Variants in HPSE2 observed in about 807,000 individuals in gnomAD.
HPSE2 encodes the protein heparanase 2 (inactive).
A neutral mutation model predicts 60.5 loss-of-function variants in HPSE2; 38 were observed. The observed-to-expected ratio is 0.63, with a 90% confidence interval of 0.48 to 0.82. The LOEUF is 0.82. Ranked by LOEUF, HPSE2 falls within the 40% of genes least tolerant of loss-of-function variation. HPSE2 has a pLI of 0.00. For synonymous variants in HPSE2, 295 were observed against 293.2 expected (o/e 1.01, Z -0.06); for missense variants, 713 against 740.4 (o/e 0.96, Z 0.43).
chr10:98,887,258 C>T (rs1368348528), intron 3 of HPSE2, among the ~76,000 whole-genome samples: 3 of 152,062 alleles, frequency 2.0e-5, no homozygotes, highest in African/African-American at 7.2e-5. Context: ...TCTCAATTTC[C>T]TCAGGTCATT....
chr10:98,758,017 T>A (rs1949917935), intron 3 of HPSE2, among the ~76,000 whole-genome samples: 1 of 151,586 alleles, frequency 6.6e-6, no homozygotes, highest in African/African-American at 2.4e-5. Flanking sequence ...ATGGTTACAA[T>A]ACTGAGAAAT....
chr10:98,511,507 CCACTATGTACACAGGTATGCTTCAAGTT>C lies in HPSE2; in HGVS notation c.1321-21339_1321-21312del, dbSNP rs1263001781. ...ATATTTTTTACCTCATGAAAATATT[CCACTATGTACACAGGTATGCTTCAAGTT>C]GTCCCGAAAACATAACTATGGTGTG... On this transcript the variant is annotated intron_variant, in intron 9 of 11. Transcript: ENST00000370552. Among the ~76,000 whole-genome samples the C allele has an allele frequency of 3.3e-5, 5 of 151,034 alleles. No homozygotes were observed. In the East Asian group the frequency reaches 9.7e-4, roughly 29 times the overall value.
intron 3 of HPSE2, among the ~76,000 whole-genome samples, chr10:98,913,073 C>T (rs777038768): frequency 6.6e-6 from 1 of 151,744 alleles, no homozygotes; most frequent in Non-Finnish European, 1.5e-5. Context: ...TATGTAGGCA[C>T]AAAAATAAAA....
At chr10:98,900,349 A>C (rs1953630865) in intron 3 of HPSE2, among the ~76,000 whole-genome samples, 1 of 152,214 alleles carries the variant, frequency 6.6e-6, no homozygotes, top group African/African-American at 2.4e-5. Context: ...ATTTATGTAC[A>C]GTTCAAGAAA....
chr10:99,222,901 G>A (rs1008513156), intron 2 of HPSE2, among the ~76,000 whole-genome samples: 1 of 152,136 alleles, frequency 6.6e-6, no homozygotes, highest in South Asian at 2.1e-4. Context: ...TATATTCATG[G>A]GAAGGCATAT....
intron 9 of HPSE2, among the ~76,000 whole-genome samples, chr10:98,553,299 T>A (rs1219250794): frequency 2.0e-5 from 3 of 152,382 alleles, no homozygotes; most frequent in South Asian, 2.1e-4. Flanking sequence ...ACACTGTTCA[T>A]ACACATATTA....
intron 9 of HPSE2, among the ~76,000 whole-genome samples, chr10:98,522,352 A>C (rs1313334066): frequency 6.6e-6 from 1 of 152,156 alleles, no homozygotes; most frequent in Non-Finnish European, 1.5e-5. Context: ...ACTATAAGAG[A>C]AACTAATAGG....
At chr10:99,026,950 A>C (rs914523397) in intron 3 of HPSE2, among the ~76,000 whole-genome samples, 2 of 152,112 alleles carry the variant, frequency 1.3e-5, no homozygotes, top group African/African-American at 4.8e-5. Context: ...AAAATACCAA[A>C]ACCTGTGGGA....
chr10:98,848,912 T>C (rs1193564186), intron 3 of HPSE2, among the ~76,000 whole-genome samples: 1 of 152,094 alleles, frequency 6.6e-6, no homozygotes, highest in East Asian at 1.9e-4. Flanking sequence ...TTTCATCTCA[T>C]AAGACATTGT....
intron 3 of HPSE2, among the ~76,000 whole-genome samples, chr10:98,800,949 T>C (rs1387663531): frequency 6.6e-6 from 1 of 152,176 alleles, no homozygotes; most frequent in Non-Finnish European, 1.5e-5. Context: ...CCAATATCTC[T>C]GATGATTATT....
In HPSE2 at chr10:98,513,660, T is replaced by TA. The variant is rs200145281; in HGVS notation, c.1321-23465dup. Among the ~76,000 whole-genome samples, 331 of 152,288 alleles carry TA rather than the reference T, an allele frequency of 2.2e-3. 7 individuals are homozygous for TA. The East Asian group carries it at 0.052, about 24-fold the overall frequency. On this transcript the variant is annotated intron_variant, in intron 9 of 11. Transcript: ENST00000370552. Reference sequence around the variant, plus strand: ...AAGGGCAGAACTGACAAGTTTGCTGTAAAAAAATGACAACAATATGCTTTT... The same window carrying TA: ...AAGGGCAGAACTGACAAGTTTGCTGTAAAAAAAATGACAACAATATGCTTTT...
intron 7 of HPSE2, among the ~76,000 whole-genome samples, chr10:98,634,735 AG>A (rs749793290): frequency 1.3e-5 from 2 of 152,242 alleles, no homozygotes; most frequent in Non-Finnish European, 2.9e-5. Context: ...ACTTCAAAAG[AG>A]TTGATCTTTA....
the HPSE2 span, among the ~76,000 whole-genome samples, chr10:99,310,350 T>C: frequency 1.3e-5 from 2 of 152,204 alleles, no homozygotes; most frequent in African/African-American, 4.8e-5. Context: ...GCCACTAAAA[T>C]ATATAAAAAC....
At chr10:98,708,017 A>G (rs1948589893) in intron 5 of HPSE2, among the ~76,000 whole-genome samples, 2 of 152,190 alleles carry the variant, frequency 1.3e-5, no homozygotes, top group Non-Finnish European at 2.9e-5. Context: ...CATAAAAAGG[A>G]ATTCAGTATG....
intron 11 of HPSE2, among the ~76,000 whole-genome samples, chr10:98,477,403 G>C (rs1286892149): frequency 1.3e-5 from 2 of 152,166 alleles, no homozygotes; most frequent in Non-Finnish European, 2.9e-5. Context: ...ACTGAAGGCT[G>C]GGGGAGAGAG....
At chr10:98,477,191 A>G (rs573151872) in intron 11 of HPSE2, among the ~76,000 whole-genome samples, 12 of 152,318 alleles carry the variant, frequency 7.9e-5, no homozygotes, top group African/African-American at 2.9e-4. Flanking sequence ...ATTATTCTAT[A>G]TGCTTCATGG....
At chr10:99,296,089 T>C in the HPSE2 span, among the ~76,000 whole-genome samples, 1 of 152,228 alleles carries the variant, frequency 6.6e-6, no homozygotes, top group African/African-American at 2.4e-5. Context: ...GGAACTTCAA[T>C]AGCTATTTTG....
intron 3 of HPSE2, among the ~76,000 whole-genome samples, chr10:98,750,778 C>T (rs1000886210): frequency 7.2e-5 from 11 of 152,146 alleles, no homozygotes; most frequent in African/African-American, 2.4e-4. Context: ...AGAATTTGGG[C>T]TTGGGGCATG....
intron 11 of HPSE2, among the ~76,000 whole-genome samples, chr10:98,473,561 T>C (rs1271841251): frequency 1.5e-5 from 2 of 131,098 alleles, no homozygotes; most frequent in South Asian, 2.4e-4. Context: ...GAAGAGAAAA[T>C]TGAAAGGTTA....
Sources: gnomAD v4.1 joint callset for allele counts (sites outside exome capture counted in the v4.1 genomes callset) on GRCh38, gnomAD v4.1.1 for gene constraint, MANE v1.5 for transcripts, NCBI Gene and HGNC (gene_info 2026-07-23, HGNC 2026-07-21) for gene names.